TENM2: variants seen among roughly 807,000 people sequenced by gnomAD.
TENM2 encodes the protein teneurin-2.
A neutral mutation model predicts 245.2 loss-of-function variants in TENM2; 52 were observed. The ratio of observed to expected loss-of-function variants is 0.21; its 90% CI spans 0.17 to 0.27. The LOEUF is 0.27. Ranked by LOEUF, TENM2 falls within the 10% of genes least tolerant of loss-of-function variation. The pLI is 1.00. For synonymous variants in TENM2, 1,363 were observed against 1,438.9 expected, an observed-to-expected ratio of 0.95 and a Z score of 1.19; for missense variants, 3,046 against 3,666.8, an observed-to-expected ratio of 0.83 and a Z score of 4.37.
chr5:168,206,941 C>A (rs1158455711), intron 19 of TENM2, among the ~76,000 whole-genome samples: 2 of 152,146 alleles, frequency 1.3e-5, no homozygotes, highest in Non-Finnish European at 2.9e-5. Flanking sequence ...ACCTCCAAAC[C>A]TTCACTCTTG....
In TENM2 at chr5:168,227,886, T is replaced by C; in HGVS notation, c.5285-9T>C. Reference sequence around the variant, plus strand: ...TTCCCTATCCCCACCCCCACTTACATTTTTCCAGATCAAGTTCGGAACAGC... The same window carrying C: ...TTCCCTATCCCCACCCCCACTTACACTTTTCCAGATCAAGTTCGGAACAGC... On this transcript the variant is annotated splice_polypyrimidine_tract_variant and intron_variant, in intron 24 of 28. Coordinates refer to ENST00000518659, the Ensembl canonical transcript of TENM2. 2.5e-6 allele frequency: 4 copies of C among 1,572,820 alleles called. No individual in the cohort carries two copies. Among genetic ancestry groups the C allele is most frequent in the Non-Finnish European group, 3.5e-6 (4 of 1,148,248 alleles).
At chr5:167,103,333 G>T in the TENM2 span, among the ~76,000 whole-genome samples, 45 of 152,302 alleles carry the variant, frequency 3.0e-4, no homozygotes, top group African/African-American at 9.1e-4. Context: ...GACTTGGAGG[G>T]TCAGCTTTCC....
intron 1 of TENM2, among the ~76,000 whole-genome samples, chr5:167,352,882 A>G (rs1759015680): frequency 6.6e-6 from 1 of 152,188 alleles, no homozygotes; most frequent in Admixed American, 6.5e-5. Flanking sequence ...CAAGTTCTGA[A>G]GTGGATTTCT....
At chr5:168,243,103 T>C (rs115169037) in intron 25 of TENM2, among the ~76,000 whole-genome samples, 1,842 of 152,322 alleles carry the variant, frequency 0.012, 41 homozygotes, top group African/African-American at 0.042. Context: ...ACATCATCCC[T>C]TGCCTTCAGC....
At chr5:167,163,579 A>G in the TENM2 span, among the ~76,000 whole-genome samples, 1 of 152,100 alleles carries the variant, frequency 6.6e-6, no homozygotes, top group Non-Finnish European at 1.5e-5. Flanking sequence ...CCTATCCTTT[A>G]CACGCTGCTT....
chr5:167,801,140 A>C (rs1290702451), intron 2 of TENM2, among the ~76,000 whole-genome samples: 1 of 101,468 alleles, frequency 9.9e-6, no homozygotes, highest in Middle Eastern at 5.4e-3. Context: ...ATATATATAT[A>C]TATATATATA....
At chr5:167,350,927 T>C (rs936923242) in intron 1 of TENM2, among the ~76,000 whole-genome samples, 1 of 80,004 alleles carries the variant, frequency 1.2e-5, no homozygotes, top group Non-Finnish European at 2.7e-5. Context: ...TATATACATA[T>C]GGATATATAT....
intron 2 of TENM2, among the ~76,000 whole-genome samples, chr5:167,825,770 T>A (rs943029233): frequency 2.0e-5 from 3 of 151,994 alleles, no homozygotes; most frequent in Admixed American, 6.6e-5. Context: ...ATTTAATATT[T>A]GTTGAAGTGA....
chr5:167,858,448 A>T (rs947711109), intron 2 of TENM2, among the ~76,000 whole-genome samples: 3 of 152,188 alleles, frequency 2.0e-5, no homozygotes, highest in Admixed American at 2.0e-4. Flanking sequence ...CTCACATGCA[A>T]ACTCCTCACT....
At chr5:167,717,086 C>G (rs959448860) in intron 2 of TENM2, among the ~76,000 whole-genome samples, 4 of 151,926 alleles carry the variant, frequency 2.6e-5, no homozygotes, top group African/African-American at 7.3e-5. Flanking sequence ...TCCCTGGTAG[C>G]TGGGACTACA....
chr5:166,995,443 G>A, the TENM2 span, among the ~76,000 whole-genome samples: 29,313 of 151,480 alleles, frequency 0.19, 3,599 homozygotes, highest in East Asian at 0.38. Context: ...GGGTTTCACT[G>A]TGTTAGCCAG....
At chr5:167,198,545 T>G in the TENM2 span, among the ~76,000 whole-genome samples, 1 of 152,136 alleles carries the variant, frequency 6.6e-6, no homozygotes, top group Non-Finnish European at 1.5e-5. Flanking sequence ...TTCTATTTCC[T>G]TATTTCCTTT....
At chr5:167,071,394 A>G in the TENM2 span, among the ~76,000 whole-genome samples, 1 of 152,192 alleles carries the variant, frequency 6.6e-6, no homozygotes, top group African/African-American at 2.4e-5. Flanking sequence ...TATAAAGACA[A>G]TAAAGGCTGC....
the TENM2 span, among the ~76,000 whole-genome samples, chr5:167,238,639 T>TCTTCTGTG: frequency 6.6e-6 from 1 of 151,252 alleles, no homozygotes; most frequent in Non-Finnish European, 1.5e-5. Context: ...ACATATGCAT[T>TCTTCTGTG]CTTCTGTGGA....
chr5:167,373,571 A>G (rs1051204125), intron 1 of TENM2, among the ~76,000 whole-genome samples: 6 of 152,216 alleles, frequency 3.9e-5, no homozygotes, highest in Non-Finnish European at 7.3e-5. Flanking sequence ...AGTGGACCAC[A>G]TGATTCTATC....
chr5:167,976,613 A>G lies in TENM2; in HGVS notation c.948-16331A>G, dbSNP rs367678074. Among the ~76,000 whole-genome samples the G allele has an allele frequency of 1.1e-3, 163 of 152,294 alleles. 1 individual carries two copies. The highest frequency in any genetic ancestry group is 3.7e-3 in the African/African-American group (153 of 41,574). On this transcript the variant is annotated intron_variant, in intron 4 of 28. Transcript: ENST00000518659. ...AAGGCCAGAATTTTTTCAATCCCTT[A>G]CTAGGAAGGACTTTGTGATCTTGCC...
chr5:167,918,408 G>A (rs1777107084), intron 3 of TENM2, among the ~76,000 whole-genome samples: 1 of 152,294 alleles, frequency 6.6e-6, no homozygotes, highest in East Asian at 1.9e-4. Context: ...TCGTCTGGGA[G>A]GACGGTGGGA....
intron 4 of TENM2, among the ~76,000 whole-genome samples, chr5:167,971,113 A>G (rs865895028): frequency 6.6e-6 from 1 of 152,168 alleles, no homozygotes; most frequent in Non-Finnish European, 1.5e-5. Context: ...AGAGCGAAGT[A>G]TAGCATTCTT....
chr5:168,132,413 G>A (rs1418943458), intron 12 of TENM2, among the ~76,000 whole-genome samples: 1 of 152,132 alleles, frequency 6.6e-6, no homozygotes, highest in African/African-American at 2.4e-5. Flanking sequence ...ATTTAGTAAT[G>A]TCTGCTCATG....
Sources: allele counts gnomAD v4.1 joint callset (sites outside exome capture counted in the v4.1 genomes callset), GRCh38; gene constraint gnomAD v4.1.1; transcripts MANE v1.5; gene names NCBI Gene and HGNC (gene_info 2026-07-23, HGNC 2026-07-21).